PLEKHG1: variants seen among roughly 807,000 people sequenced by gnomAD.
PLEKHG1 encodes the protein pleckstrin homology domain-containing family G member 1.
In PLEKHG1, 44 loss-of-function variants were observed where a neutral mutation model predicts 100.8. The observed-to-expected ratio is 0.44, with a 90% CI of 0.34 to 0.56. The LOEUF is 0.56. Ranked by LOEUF, PLEKHG1 falls within the 20% of genes least tolerant of loss-of-function variation. The pLI is 0.01. For missense variants in PLEKHG1, 1,545 were observed against 1,720.9 expected, an observed-to-expected ratio of 0.90 and a Z score of 1.81; for synonymous variants, 640 against 662.5, an observed-to-expected ratio of 0.97 and a Z score of 0.52.
intron 2 of PLEKHG1, among the ~76,000 whole-genome samples, chr6:150,640,162 C>T (rs959616814): frequency 2.6e-5 from 4 of 152,214 alleles, no homozygotes; most frequent in South Asian, 4.1e-4. Context: ...CCAGTAGGAC[C>T]GATCACCTGA....
At chr6:150,724,898 C>T (rs1033872596) in intron 1 of PLEKHG1, among the ~76,000 whole-genome samples, 1 of 152,098 alleles carries the variant, frequency 6.6e-6, no homozygotes, top group African/African-American at 2.4e-5. Context: ...CCAGACTGCT[C>T]CAGAGACACC....
At chr6:150,632,491 G>T (rs1448941168) in intron 1 of PLEKHG1, among the ~76,000 whole-genome samples, 1 of 152,260 alleles carries the variant, frequency 6.6e-6, no homozygotes, top group Non-Finnish European at 1.5e-5. Flanking sequence ...TTGGTCCTGG[G>T]CAAGGTGGGC....
At chr6:150,663,411 A>G (rs1326000722) in intron 3 of PLEKHG1, 3 of 152,172 alleles carry the variant, frequency 2.0e-5, no homozygotes, top group African/African-American at 7.2e-5. Flanking sequence ...TTTAGAGCAA[A>G]TGGTGCATCT....
chr6:150,841,790 T>G (rs984452678), exon 16 of PLEKHG1: 1 of 152,240 alleles, frequency 6.6e-6, no homozygotes, highest in African/African-American at 2.4e-5. Context: ...GATACAAAGT[T>G]AAGCATGAGC....
At position 150,775,256 on chromosome 6, in the gene PLEKHG1, A is replaced by G. The variant is rs749810838; in HGVS notation, c.512+6518A>G. On this transcript the variant is annotated intron_variant, in intron 3 of 15. Transcript: ENST00000358517. The stretch of plus-strand genomic sequence containing the variant: ...AAAGAAATGCCAAGTTTTAAAAAGA[A>G]AGTACCCCTCTCTTGGAATACAGAA... Among the ~76,000 whole-genome samples, 46 of 152,316 alleles carry G rather than the reference A, an allele frequency of 3.0e-4. 1 individual carries two copies. The highest frequency in any genetic ancestry group is 2.1e-4 in the South Asian group (1 of 4,818).
rs796930121 is a variant in PLEKHG1, at chr6:150,604,662, C to T, written c.-204+4645C>T. On this transcript the variant is annotated intron_variant, in intron 1 of 3. Transcript: ENST00000367326. ...GACGGACTTATAATCAAGATCATTT[C>T]GTCACTCGGTTTCCTAGTCACCTTT... 1.1e-4 allele frequency among the ~76,000 whole-genome samples: 16 copies of T among 152,318 alleles called. No homozygotes were observed. In the South Asian group the frequency reaches 2.9e-3, roughly 28 times the overall value.
intron 15 of PLEKHG1, among the ~76,000 whole-genome samples, chr6:150,836,441 T>C (rs1478647468): frequency 1.3e-5 from 2 of 151,944 alleles, no homozygotes; most frequent in Non-Finnish European, 2.9e-5. Flanking sequence ...AATGAATTAG[T>C]TATTGAGACC....
intron 1 of PLEKHG1, among the ~76,000 whole-genome samples, chr6:150,722,528 A>G (rs1781751365): frequency 6.6e-6 from 1 of 151,426 alleles, no homozygotes; most frequent in Non-Finnish European, 1.5e-5. Context: ...TAATTTTTGT[A>G]TTTTTAGTAG....
intron 3 of PLEKHG1, among the ~76,000 whole-genome samples, chr6:150,677,283 T>TACACACACACACACACAC (rs756621195): frequency 5.1e-4 from 68 of 134,264 alleles, no homozygotes; most frequent in African/African-American, 1.7e-3. Context: ...TTTCTTCCCC[T>TACACACACACACACACAC]ATACACACAC....
intron 6 of PLEKHG1, 25 bp downstream of exon 7, chr6:150,800,894 C>G (rs1418778460): frequency 6.2e-6 from 10 of 1,605,116 alleles, no homozygotes; most frequent in Non-Finnish European, 8.5e-6. Context: ...GGCATGAGCA[C>G]TTTCCAGGGG....
chr6:150,787,568 A>C (rs774625984), intron 4 of PLEKHG1, among the ~76,000 whole-genome samples: 2 of 152,208 alleles, frequency 1.3e-5, no homozygotes, highest in Non-Finnish European at 2.9e-5. Flanking sequence ...GGTTTAATAA[A>C]AGTTCATGAT....
rs866419546 is a variant in PLEKHG1 at position 150,621,378 on chromosome 6, T to A, written c.-203-16702T>A. Among the ~76,000 whole-genome samples the A allele has an allele frequency of 5.8e-3, 874 of 150,676 alleles. 7 individuals carry two copies. The highest frequency in any genetic ancestry group is 0.02 in the African/African-American group (841 of 41,144). On this transcript the variant is annotated intron_variant, in intron 1 of 3. Coordinates refer to the PLEKHG1 transcript ENST00000367326. ...GGGGCTTTTGTGGCACAAATCAATT[T>A]TTTTTTTTTTTTTTGAGATGGAGTC... is the stretch of plus-strand genomic sequence containing the variant.
At chr6:150,810,531 A>AAAGAAAGAAAGAAAGAAAGG (rs1232536262) in intron 10 of PLEKHG1, among the ~76,000 whole-genome samples, 1 of 103,392 alleles carries the variant, frequency 9.7e-6, no homozygotes, top group African/African-American at 3.3e-5. Flanking sequence ...AGAAAGAAAG[A>AAAGAAAGAAAGAAAGAAAGG]AAGAAAGGAA....
intron 11 of PLEKHG1, 105 bp from the exon 13 acceptor site, chr6:150,819,574 T>TAAC (rs1776182313): frequency 1.9e-6 from 1 of 534,464 alleles, no homozygotes; most frequent in Non-Finnish European, 3.3e-6. Context: ...TCAAAAATAA[T>TAAC]AATAATAATA....
chr6:150,623,411 C>T (rs1200568590), intron 1 of PLEKHG1, among the ~76,000 whole-genome samples: 1 of 152,168 alleles, frequency 6.6e-6, no homozygotes, highest in Non-Finnish European at 1.5e-5. Context: ...GCACATCACG[C>T]AAATAACAAA....
At chr6:150,654,663 C>T (rs560641808) in intron 3 of PLEKHG1, among the ~76,000 whole-genome samples, 2 of 152,358 alleles carry the variant, frequency 1.3e-5, no homozygotes, top group South Asian at 4.1e-4. Context: ...AAGGAAACAA[C>T]ACCGCTCAGC....
At chr6:150,682,783 C>T (rs1010399135) in intron 3 of PLEKHG1, among the ~76,000 whole-genome samples, 1 of 152,122 alleles carries the variant, frequency 6.6e-6, no homozygotes, top group Non-Finnish European at 1.5e-5. Context: ...CCAGATCATG[C>T]CTGCCCAGTT....
upstream of PLEKHG1, among the ~76,000 whole-genome samples, chr6:150,716,140 G>A (rs1044316750): frequency 6.6e-6 from 1 of 150,960 alleles, no homozygotes; most frequent in Admixed American, 6.6e-5. Context: ...AAATGTGACC[G>A]CATGCCTTGT....
chr6:150,642,571 A>G (rs746729359), intron 2 of PLEKHG1, among the ~76,000 whole-genome samples: 9 of 152,246 alleles, frequency 5.9e-5, no homozygotes, highest in African/African-American at 1.9e-4. Flanking sequence ...AGTTTACTGT[A>G]TAACTACAGT....
Sources: allele counts gnomAD v4.1 joint callset (sites outside exome capture counted in the v4.1 genomes callset), GRCh38; gene constraint gnomAD v4.1.1; transcripts MANE v1.5; gene names NCBI Gene and HGNC (gene_info 2026-07-23, HGNC 2026-07-21).